DACH1: variants seen among roughly 807,000 people sequenced by gnomAD.
DACH1 encodes the protein dachshund family transcription factor 1, also known as dachshund homolog 1.
DACH1 carries 12 observed loss-of-function variants against 54.2 expected under a neutral mutation model. The ratio of observed to expected loss-of-function variants is 0.22; its 90% CI spans 0.14 to 0.36. The LOEUF (loss-of-function observed/expected upper bound fraction) is 0.36, where lower values mean the gene tolerates loss of function less well. Ranked by LOEUF, DACH1 falls within the 10% of genes least tolerant of loss-of-function variation. The pLI, the probability that DACH1 is intolerant of heterozygous loss-of-function variation, is 1.00. For missense variants in DACH1, 805 were observed against 929.8 expected, an observed-to-expected ratio of 0.87 and a Z score of 1.75; for synonymous variants, 386 against 366.2, an observed-to-expected ratio of 1.05 and a Z score of -0.62.
At chr13:71,597,471 C>A (rs923100686) in intron 3 of DACH1, among the ~76,000 whole-genome samples, 7 of 152,156 alleles carry the variant, frequency 4.6e-5, no homozygotes, top group African/African-American at 1.7e-4. Context: ...GGCCCAAGGG[C>A]TTAAATGCAC....
At chr13:71,724,244 T>C (rs1883371302) in intron 1 of DACH1, among the ~76,000 whole-genome samples, 2 of 152,204 alleles carry the variant, frequency 1.3e-5, no homozygotes, top group African/African-American at 4.8e-5. Context: ...ATTTATCCTG[T>C]TTAGCTCAAG....
chr13:71,650,462 C>T (rs1878590225), intron 2 of DACH1, among the ~76,000 whole-genome samples: 1 of 152,052 alleles, frequency 6.6e-6, no homozygotes, highest in Admixed American at 6.6e-5. Flanking sequence ...ATATAATTTA[C>T]TGAATAAAAG....
chr13:71,538,983 C>G (rs1882974643), intron 6 of DACH1, among the ~76,000 whole-genome samples: 1 of 151,816 alleles, frequency 6.6e-6, no homozygotes, highest in African/African-American at 2.4e-5. Context: ...TCTTTCATTC[C>G]TCGATGTTGC....
At position 71,594,467 on chromosome 13, in the gene DACH1, AAC is replaced by A. The variant is rs1873951999; in HGVS notation, c.1127-21457_1127-21456del. ...ATTTCTCTCTATCCTTCTATGACTA[AAC>A]TCATAAGCTATAACATAAAAATTAC... On this transcript the variant is annotated intron_variant, in intron 3 of 10. Transcript: ENST00000613252. 2.0e-5 allele frequency among the ~76,000 whole-genome samples: 3 copies of A among 152,184 alleles called. No individual in the cohort carries two copies. In the South Asian group the frequency reaches 6.2e-4, roughly 31 times the overall value.
chr13:71,803,667 A>G (rs893814959), intron 1 of DACH1, among the ~76,000 whole-genome samples: 5 of 152,168 alleles, frequency 3.3e-5, no homozygotes, highest in African/African-American at 1.2e-4. Context: ...CCTATTAGAC[A>G]TTTATTTCGT....
chr13:71,577,870 G>A (rs372754742), intron 3 of DACH1, among the ~76,000 whole-genome samples: 12 of 152,124 alleles, frequency 7.9e-5, no homozygotes, highest in East Asian at 5.8e-4. Flanking sequence ...GTGTGTGTAC[G>A]CACGGCACCA....
chr13:71,662,849 C>T (rs1879598520), intron 2 of DACH1, among the ~76,000 whole-genome samples: 1 of 151,884 alleles, frequency 6.6e-6, no homozygotes, highest in African/African-American at 2.4e-5. Context: ...CTAGTTTTCT[C>T]TTCCTCTTTG....
chr13:71,565,466 A>G (rs558887918), intron 4 of DACH1, among the ~76,000 whole-genome samples: 1 of 152,238 alleles, frequency 6.6e-6, no homozygotes, highest in African/African-American at 2.4e-5. Flanking sequence ...AACATCATTG[A>G]CACTAAGAGT....
Position 71,705,509 on chromosome 13 carries a change from T to TA in DACH1, c.849-23600dup, listed in dbSNP as rs199652956. Reference sequence around the variant, plus strand: ...TTTAACATCATTTAGAACTCATCATTAAAAAATCATTAAACATCATTAAAA... The same window carrying TA: ...TTTAACATCATTTAGAACTCATCATTAAAAAAATCATTAAACATCATTAAAA... On this transcript the variant is annotated intron_variant, in intron 1 of 10. Transcript: ENST00000613252. Among the ~76,000 whole-genome samples the TA allele has an allele frequency of 2.8e-3, 421 of 152,274 alleles. 3 individuals carry two copies. The highest frequency in any genetic ancestry group is 9.7e-3 in the African/African-American group (402 of 41,570).
At chr13:71,476,298 A>G (rs1877516292) in intron 8 of DACH1, among the ~76,000 whole-genome samples, 1 of 152,174 alleles carries the variant, frequency 6.6e-6, no homozygotes, top group Non-Finnish European at 1.5e-5. Flanking sequence ...CAAATGGAGC[A>G]TCTCCCCTAA....
At chr13:71,599,100 T>G in intron 3 of DACH1, among the ~76,000 whole-genome samples, 1 of 152,220 alleles carries the variant, frequency 6.6e-6, no homozygotes, top group Non-Finnish European at 1.5e-5. Context: ...ATAAAATAAG[T>G]CAAACCATGA....
intron 1 of DACH1, among the ~76,000 whole-genome samples, chr13:71,861,356 T>C (rs1874338943): frequency 6.6e-6 from 1 of 151,960 alleles, no homozygotes; most frequent in African/African-American, 2.4e-5. Flanking sequence ...ATCATAACCA[T>C]GTTCACTTTT....
intron 3 of DACH1, among the ~76,000 whole-genome samples, chr13:71,609,806 C>T (rs989491752): frequency 2.0e-5 from 3 of 151,942 alleles, no homozygotes; most frequent in African/African-American, 7.2e-5. Flanking sequence ...GGATTACAGG[C>T]GTGAGCCACT....
At chr13:71,681,255 A>G (rs1566428890) in intron 2 of DACH1, among the ~76,000 whole-genome samples, 1 of 152,184 alleles carries the variant, frequency 6.6e-6, no homozygotes, top group Non-Finnish European at 1.5e-5. Flanking sequence ...AGTCAAGACT[A>G]TTCTTTTACT....
chr13:71,655,423 T>C (rs953496967), intron 2 of DACH1, among the ~76,000 whole-genome samples: 1 of 150,644 alleles, frequency 6.6e-6, no homozygotes, highest in Non-Finnish European at 1.5e-5. Flanking sequence ...TAGGCTTGAG[T>C]GCAATGTAGG....
At position 71,438,990 on chromosome 13, in the gene DACH1, G is replaced by T. The variant is rs1483644088; in HGVS notation, c.*1665C>A. ...CTGGCTAATAGTGAGCTACACAAAA[G>T]AATTATGTTCCAGTATTGCAAGGAA... On this transcript the variant is annotated 3_prime_UTR_variant, in exon 11 of 11. Transcript: ENST00000613252. 3.3e-5 allele frequency: 5 copies of T among 152,384 alleles called. No individual in the cohort carries two copies. The highest frequency in any genetic ancestry group is 1.2e-4 in the African/African-American group (5 of 41,418). 9.4% of individuals were successfully genotyped at this position (152,384 alleles called of 1,614,324 possible). A position where few individuals can be genotyped will look rare whatever the true frequency, so the allele number is the denominator to read the frequency against.
chr13:71,702,724 G>A lies in DACH1; in HGVS notation c.849-20814C>T, dbSNP rs749618788. Among the ~76,000 whole-genome samples the A allele has an allele frequency of 2.1e-4, 32 of 152,106 alleles. 1 individual carries two copies. The highest frequency in any genetic ancestry group is 1.7e-3 in the South Asian group (8 of 4,816). On this transcript the variant is annotated intron_variant, in intron 1 of 10. Transcript: ENST00000613252. ...ACAGCATAAATGATGCTGCCAAATC[G>A]AGAGTTAATTTTATTTTAAAGGATT...
At chr13:71,508,412 G>C (rs1276592547) in intron 6 of DACH1, among the ~76,000 whole-genome samples, 2 of 151,598 alleles carry the variant, frequency 1.3e-5, no homozygotes, top group African/African-American at 4.8e-5. Flanking sequence ...GTACTTGTTA[G>C]TATCATTTTA....
chr13:71,801,609 T>C (rs1353726894), intron 1 of DACH1, among the ~76,000 whole-genome samples: 2 of 152,154 alleles, frequency 1.3e-5, no homozygotes, highest in East Asian at 3.9e-4. Context: ...AACGCATTAA[T>C]TGAAACAAGG....
Sources: allele counts gnomAD v4.1 joint callset (sites outside exome capture counted in the v4.1 genomes callset), GRCh38; gene constraint gnomAD v4.1.1; transcripts MANE v1.5; gene names NCBI Gene and HGNC (gene_info 2026-07-23, HGNC 2026-07-21).